The following DPP10 variants were observed in gnomAD, a reference collection of about 807,000 sequenced individuals.
DPP10 encodes dipeptidyl peptidase like 10, also known as inactive dipeptidyl peptidase 10.
DPP10 carries 33 observed loss-of-function variants against 120.9 expected under a neutral mutation model. That is an observed-to-expected ratio of 0.27 (90% CI 0.21 to 0.37). The LOEUF (loss-of-function observed/expected upper bound fraction) is 0.37, where lower values mean the gene tolerates loss of function less well. DPP10 is among the 10% of genes least tolerant of loss of function. The pLI is 1.00. For missense variants in DPP10, 816 were observed against 942.8 expected, an observed-to-expected ratio of 0.87 and a Z score of 1.76; for synonymous variants, 337 against 326.1, an observed-to-expected ratio of 1.03 and a Z score of -0.36.
chr2:115,328,752 C>G (rs1054714017), intron 2 of DPP10, among the ~76,000 whole-genome samples: 3 of 152,110 alleles, frequency 2.0e-5, no homozygotes, highest in Middle Eastern at 3.2e-3. Flanking sequence ...CATCTCTTCT[C>G]TATCCTGAAA....
At chr2:115,836,476 C>A in intron 22 of DPP10, 31 bp from the exon 23 acceptor site, 1 of 1,599,740 alleles carries the variant, frequency 6.3e-7, no homozygotes, top group South Asian at 1.1e-5. Flanking sequence ...TTTTTAGTTT[C>A]TTCTCGAATG....
In DPP10 at chr2:115,836,761, T is replaced by C; in HGVS notation, c.2182+15T>C. The C allele has an allele frequency of 6.2e-7, 1 of 1,607,174 alleles. No individual in the cohort carries two copies. ...AACTGCTGACAGTAAGTATTATACT[T>C]GCCGCTGCTGTTTGATAGGGTATGA... On this transcript the variant is annotated intron_variant, in intron 24 of 25. Coordinates refer to ENST00000410059, the MANE Select transcript of DPP10 (RefSeq NM_020868.6).
chr2:115,658,977 A>G (rs761417178), intron 5 of DPP10, among the ~76,000 whole-genome samples: 2 of 152,178 alleles, frequency 1.3e-5, no homozygotes, highest in Non-Finnish European at 2.9e-5. Flanking sequence ...TGGAAACTTA[A>G]TCCCGAAGCA....
At chr2:115,185,079 T>G (rs1440206115) in intron 1 of DPP10, among the ~76,000 whole-genome samples, 1 of 152,178 alleles carries the variant, frequency 6.6e-6, no homozygotes, top group Non-Finnish European at 1.5e-5. Flanking sequence ...AGAATTAGAT[T>G]AGTTCTGTGA....
At chr2:115,547,069 G>T (rs1027934808) in intron 5 of DPP10, among the ~76,000 whole-genome samples, 2 of 152,036 alleles carry the variant, frequency 1.3e-5, no homozygotes, top group Non-Finnish European at 2.9e-5. Flanking sequence ...ATTTTTAGTT[G>T]TGCGTATTCC....
chr2:114,973,607 AGCC>A (rs1699540209), intron 1 of DPP10, among the ~76,000 whole-genome samples: 1 of 139,358 alleles, frequency 7.2e-6, no homozygotes, highest in Non-Finnish European at 1.5e-5. Flanking sequence ...GCTTGCAGTG[AGCC>A]GAGATCGAGC....
intron 2 of DPP10, among the ~76,000 whole-genome samples, chr2:115,333,126 AT>A (rs2062863487): frequency 6.6e-6 from 1 of 152,074 alleles, no homozygotes. Context: ...GTGCATATAT[AT>A]TTAGGATTGT....
chr2:114,562,379 A>G (rs1688832759), intron 1 of DPP10, among the ~76,000 whole-genome samples: 1 of 152,238 alleles, frequency 6.6e-6, no homozygotes, highest in South Asian at 2.1e-4. Flanking sequence ...TCTCAAGTCC[A>G]TTGGACTCCA....
intron 1 of DPP10, among the ~76,000 whole-genome samples, chr2:114,733,073 G>T (rs1677073186): frequency 6.6e-6 from 1 of 152,192 alleles, no homozygotes; most frequent in South Asian, 2.1e-4. Flanking sequence ...GGGAGCTATT[G>T]CAGAGCGAGA....
intron 3 of DPP10, among the ~76,000 whole-genome samples, chr2:115,382,332 C>G (rs1268476032): frequency 6.6e-6 from 1 of 151,786 alleles, no homozygotes; most frequent in Non-Finnish European, 1.5e-5. Flanking sequence ...CAGGTGCCGT[C>G]TGTCACCCCT....
chr2:115,274,934 G>T (rs1478019673), intron 1 of DPP10, among the ~76,000 whole-genome samples: 3 of 152,120 alleles, frequency 2.0e-5, no homozygotes, highest in Non-Finnish European at 4.4e-5. Context: ...CTTGTGTTCA[G>T]CACCTCGCAC....
chr2:115,437,066 A>G (rs944270637), intron 3 of DPP10, among the ~76,000 whole-genome samples: 2 of 152,004 alleles, frequency 1.3e-5, no homozygotes, highest in African/African-American at 4.8e-5. Context: ...TCATTTATTG[A>G]TAATTACACA....
chr2:114,984,485 C>T (rs961030039), intron 1 of DPP10, among the ~76,000 whole-genome samples: 3 of 152,028 alleles, frequency 2.0e-5, no homozygotes, highest in African/African-American at 7.2e-5. Context: ...TATGGCAATC[C>T]TGCAGGCATG....
chr2:115,590,705 A>G (rs1443718934), intron 5 of DPP10, among the ~76,000 whole-genome samples: 1 of 152,208 alleles, frequency 6.6e-6, no homozygotes, highest in African/African-American at 2.4e-5. Flanking sequence ...GTTGGGTCAA[A>G]TGGTATTTCT....
intron 20 of DPP10, 88 bp downstream of exon 20, chr2:115,815,075 G>T: frequency 7.7e-7 from 1 of 1,292,852 alleles, no homozygotes; most frequent in Non-Finnish European, 1.0e-6. Context: ...CTGACTCAAG[G>T]CTTCTATTTT....
intron 5 of DPP10, among the ~76,000 whole-genome samples, chr2:115,646,380 A>G (rs2087260638): frequency 6.6e-6 from 1 of 152,154 alleles, no homozygotes; most frequent in African/African-American, 2.4e-5. Flanking sequence ...CTCTGGGTAA[A>G]AAAAAAGAAA....
chr2:114,559,060 C>G (rs1292238944), intron 1 of DPP10, among the ~76,000 whole-genome samples: 2 of 152,182 alleles, frequency 1.3e-5, no homozygotes, highest in Non-Finnish European at 2.9e-5. Flanking sequence ...AAGTACATCC[C>G]CATGTCCCAC....
intron 1 of DPP10, among the ~76,000 whole-genome samples, chr2:115,217,275 T>G (rs1447472517): frequency 1.3e-5 from 2 of 152,200 alleles, no homozygotes; most frequent in Non-Finnish European, 2.9e-5. Context: ...AAGGATTAAA[T>G]AATAGCTTTC....
chr2:114,998,142 A>C (rs997118444), intron 1 of DPP10, among the ~76,000 whole-genome samples: 3 of 152,174 alleles, frequency 2.0e-5, no homozygotes, highest in Non-Finnish European at 2.9e-5. Context: ...ACAGCAAAAA[A>C]ATGTGACATG....
Sources: gnomAD v4.1 joint callset for allele counts (sites outside exome capture counted in the v4.1 genomes callset) on GRCh38, gnomAD v4.1.1 for gene constraint, MANE v1.5 for transcripts, NCBI Gene and HGNC (gene_info 2026-07-23, HGNC 2026-07-21) for gene names.